The following TRIM24 variants were observed in gnomAD, a reference collection of about 807,000 sequenced individuals.
TRIM24 encodes the protein transcription intermediary factor 1-alpha.
A neutral mutation model predicts 123.9 loss-of-function variants in TRIM24; 29 were observed. The observed-to-expected ratio is 0.23, with a 90% CI of 0.17 to 0.32. The LOEUF is 0.32. Ranked by LOEUF, TRIM24 falls within the 10% of genes least tolerant of loss-of-function variation. The pLI, the probability that TRIM24 is intolerant of heterozygous loss-of-function variation, is 1.00. For missense variants in TRIM24, 932 were observed against 1,295.3 expected (o/e 0.72, Z 4.31); for synonymous variants, 456 against 461.1 (o/e 0.99, Z 0.14).
intron 1 of TRIM24, among the ~76,000 whole-genome samples, chr7:138,470,997 T>G (rs146178488): frequency 0.03 from 4,575 of 152,362 alleles, 192 homozygotes; most frequent in African/African-American, 0.097. Context: ...GTGGCAGAGC[T>G]GGCACTTTAT....
chr7:138,508,708 C>CGTGT (rs61703393), intron 2 of TRIM24, among the ~76,000 whole-genome samples: 103 of 136,274 alleles, frequency 7.6e-4, no homozygotes, highest in Middle Eastern at 4.0e-3. Context: ...CGCGTGTGTG[C>CGTGT]GTGTGTGTGT....
rs748136625 is a variant in TRIM24, at chr7:138,583,967, T to C, written c.2911T>C (p.Leu971=). ...KPEDFVADFR[L]IFQNCAEFNE... is the part of the protein sequence containing the mutation. ...TGAAGATTTTGTAGCTGATTTTAGATTGATCTTTCAAAACTGTGCTGAATT... is the reference window on the plus strand; with the variant it reads ...TGAAGATTTTGTAGCTGATTTTAGACTGATCTTTCAAAACTGTGCTGAATT... Residue 971 remains leucine, a synonymous_variant, in exon 18 of 19, where the codon TTG becomes CTG. Coordinates refer to ENST00000343526, the MANE Select transcript of TRIM24 (RefSeq NM_015905.3). 6.2e-7 allele frequency: 1 copy of C among 1,610,060 alleles called. No homozygotes were observed. Among genetic ancestry groups the C allele is most frequent in the Non-Finnish European group, 8.5e-7 (1 of 1,178,918 alleles).
At chr7:138,538,599 C>T in intron 6 of TRIM24, 58 bp from the exon 7 acceptor site, 1 of 1,547,824 alleles carries the variant, frequency 6.5e-7, no homozygotes, top group Non-Finnish European at 8.9e-7. Flanking sequence ...CTGGAAATGA[C>T]CATCAAAGTC....
chr7:138,496,093 C>T (rs1795900426), intron 1 of TRIM24, among the ~76,000 whole-genome samples: 1 of 152,134 alleles, frequency 6.6e-6, no homozygotes, highest in Non-Finnish European at 1.5e-5. Context: ...TTTGCATTTT[C>T]ATTAAATTTT....
chr7:138,577,441 A>G lies in TRIM24; in HGVS notation c.2109A>G (p.Pro703=), dbSNP rs774718816. The change falls in exon 14 of 19, where the codon CCA becomes CCG. Residue 703 remains proline, a synonymous_variant. Transcript: ENST00000343526. The part of the protein sequence containing the change: ...SRGSSGSSSK[P]AGADSTHKVP... ...ACAGCTCTGGCTCTTCCAGCAAACC[A>G]GCAGGAGCTGACTCTACACACAAAG... The G allele has an allele frequency of 1.3e-6, 2 of 1,582,670 alleles. No homozygotes were observed. Among genetic ancestry groups the G allele is most frequent in the South Asian group, 2.3e-5 (2 of 86,138 alleles).
At position 138,573,655 on chromosome 7, in the gene TRIM24, T is replaced by G. The variant is rs766914541; in HGVS notation, c.2014+13T>G. On this transcript the variant is annotated intron_variant, in intron 12 of 18. Coordinates refer to ENST00000343526, the MANE Select transcript of TRIM24 (RefSeq NM_015905.3). ...CCAGGCCTTGCAGGTAAAGTGGGCT[T>G]CTTTTGATTTTTGTGAAAGTTTTTC... 4.3e-5 allele frequency: 69 copies of G among 1,586,944 alleles called. No individual in the cohort carries two copies. Among genetic ancestry groups the G allele is most frequent in the Non-Finnish European group, 5.7e-5 (67 of 1,171,878 alleles).
At chr7:138,533,606 A>G (rs1291739640) in intron 6 of TRIM24, among the ~76,000 whole-genome samples, 5 of 152,176 alleles carry the variant, frequency 3.3e-5, no homozygotes, top group African/African-American at 9.7e-5. Context: ...GTGCTGCTGG[A>G]TTCGATTTGC....
At chr7:138,552,556 G>T (rs775420211) in intron 8 of TRIM24, among the ~76,000 whole-genome samples, 31 of 152,086 alleles carry the variant, frequency 2.0e-4, no homozygotes, top group Non-Finnish European at 4.3e-4. Context: ...TGATTTTGGT[G>T]GGGGGTTGGG....
intron 5 of TRIM24, among the ~76,000 whole-genome samples, chr7:138,526,212 A>G (rs973329136): frequency 4.6e-5 from 7 of 152,206 alleles, no homozygotes; most frequent in Admixed American, 3.3e-4. Flanking sequence ...ATCACAATCT[A>G]TTATTATCAT....
chr7:138,553,585 CCAGT>C (rs1388402947), intron 8 of TRIM24, among the ~76,000 whole-genome samples: 4 of 152,080 alleles, frequency 2.6e-5, no homozygotes, highest in Non-Finnish European at 5.9e-5. Context: ...TAGTTTTAAG[CCAGT>C]CAATGTATTC....
chr7:138,467,996 C>T (rs184512497), intron 1 of TRIM24, among the ~76,000 whole-genome samples: 91 of 151,864 alleles, frequency 6.0e-4, no homozygotes, highest in African/African-American at 2.2e-3. Context: ...TTTATGTCTT[C>T]TTATTGCACC....
chr7:138,542,634 G>A (rs978499802), intron 7 of TRIM24, among the ~76,000 whole-genome samples: 2 of 152,134 alleles, frequency 1.3e-5, no homozygotes, highest in African/African-American at 4.8e-5. Context: ...CAGTACTTAC[G>A]AAGCGCAGTA....
chr7:138,529,044 A>T, intron 5 of TRIM24, 72 bp from the exon 6 acceptor site: 2 of 876,652 alleles, frequency 2.3e-6, no homozygotes, highest in South Asian at 2.1e-5. Flanking sequence ...GGTCTAATTT[A>T]GACATTAAAA....
intron 1 of TRIM24, among the ~76,000 whole-genome samples, chr7:138,471,946 A>G (rs1014802418): frequency 6.6e-6 from 1 of 152,144 alleles, no homozygotes; most frequent in African/African-American, 2.4e-5. Flanking sequence ...TCTCCCTTAT[A>G]TCTCTTACCA....
chr7:138,511,116 G>A (rs1417812867), intron 2 of TRIM24, among the ~76,000 whole-genome samples: 2 of 152,150 alleles, frequency 1.3e-5, no homozygotes, highest in African/African-American at 2.4e-5. Flanking sequence ...AAAGAAAAGA[G>A]GTTTAATTGG....
chr7:138,578,532 T>TTGG, intron 14 of TRIM24, among the ~76,000 whole-genome samples: 1 of 146,894 alleles, frequency 6.8e-6, no homozygotes, highest in South Asian at 2.2e-4. Flanking sequence ...GGTGGTGGTT[T>TTGG]TGTGTGTGTG....
intron 2 of TRIM24, among the ~76,000 whole-genome samples, chr7:138,508,690 TGTGC>T (rs1238403213): frequency 4.7e-5 from 5 of 106,176 alleles, no homozygotes; most frequent in African/African-American, 1.6e-4. Flanking sequence ...TGTGTGTGTG[TGTGC>T]GCGCGCGTGT....
chr7:138,539,722 G>C (rs1388773101), intron 7 of TRIM24, among the ~76,000 whole-genome samples: 1 of 150,576 alleles, frequency 6.6e-6, no homozygotes, highest in Non-Finnish European at 1.5e-5. Context: ...TAAAAGTTTT[G>C]ATTATAAATA....
At chr7:138,487,784 A>G (rs1795681255) in intron 1 of TRIM24, among the ~76,000 whole-genome samples, 1 of 152,166 alleles carries the variant, frequency 6.6e-6, no homozygotes, top group South Asian at 2.1e-4. Context: ...GATGTTCATC[A>G]GGGATATTGG....
Sources: allele counts gnomAD v4.1 joint callset (sites outside exome capture counted in the v4.1 genomes callset), GRCh38; gene constraint gnomAD v4.1.1; transcripts MANE v1.5; gene names NCBI Gene and HGNC (gene_info 2026-07-23, HGNC 2026-07-21).